Variants in POLA1 observed in about 807,000 individuals in gnomAD.
POLA1 encodes DNA polymerase alpha catalytic subunit.
In POLA1, 15 loss-of-function variants were observed where a neutral mutation model predicts 124.0. The observed-to-expected ratio is 0.12, with a 90% CI of 0.08 to 0.19. POLA1 has a LOEUF of 0.19. Ranked by LOEUF, POLA1 falls within the 10% of genes least tolerant of loss-of-function variation. The probability of loss-of-function intolerance (pLI) is 1.00; values close to 1 mark genes in which losing one functional copy is unlikely to be tolerated. For synonymous variants in POLA1, 408 were observed against 389.4 expected, an observed-to-expected ratio of 1.05 and a Z score of -0.56; for missense variants, 886 against 1,103.4, an observed-to-expected ratio of 0.80 and a Z score of 2.79.
chrX:24,833,083 C>A (rs1430372114), intron 32 of POLA1, among the ~76,000 whole-genome samples: 1 of 110,751 alleles, frequency 9.0e-6, no homozygotes. Context: ...CCCAAGTCCT[C>A]AGAGTCCATT....
At chrX:24,995,201 C>T (rs745935634) in intron 36 of POLA1, among the ~76,000 whole-genome samples, 4 of 111,807 alleles carry the variant, frequency 3.6e-5, no homozygotes, top group South Asian at 7.5e-4. Context: ...GCAGGAGTGC[C>T]GCATACCCTG....
At chrX:24,944,509 CTT>C (rs2047940111) in intron 36 of POLA1, among the ~76,000 whole-genome samples, 1 of 111,729 alleles carries the variant, frequency 9.0e-6, no homozygotes, top group Admixed American at 9.5e-5. Flanking sequence ...AATCAGGAAA[CTT>C]TTTTCCTTCT....
chrX:24,765,923 G>T (rs1602354322), intron 26 of POLA1, among the ~76,000 whole-genome samples: 1 of 111,552 alleles, frequency 9.0e-6, no homozygotes, highest in African/African-American at 3.3e-5. Flanking sequence ...CTATGAATGT[G>T]CTCACTTAAT....
intron 34 of POLA1, among the ~76,000 whole-genome samples, chrX:24,856,924 G>T (rs755347418): frequency 9.1e-6 from 1 of 109,750 alleles, no homozygotes; most frequent in South Asian, 3.9e-4. Flanking sequence ...TTGCAAATAT[G>T]TTGTCCCAGT....
intron 34 of POLA1, among the ~76,000 whole-genome samples, chrX:24,856,123 A>G (rs1399504742): frequency 8.9e-6 from 1 of 111,867 alleles, no homozygotes; most frequent in African/African-American, 3.2e-5. Flanking sequence ...CACAATCAAG[A>G]TAGAAAACAG....
intron 36 of POLA1, among the ~76,000 whole-genome samples, chrX:24,967,031 A>C (rs889265763): frequency 1.8e-5 from 2 of 110,969 alleles, no homozygotes; most frequent in Admixed American, 9.6e-5. Context: ...AATAAGAAAG[A>C]TGGGTTCTTT....
chrX:24,776,762 T>A (rs1023799557), intron 26 of POLA1, among the ~76,000 whole-genome samples: 5 of 112,189 alleles, frequency 4.5e-5, no homozygotes, highest in African/African-American at 1.6e-4. Context: ...GCCAGTATTA[T>A]GAGAAAGAGA....
chrX:24,700,830 G>A (rs1419605799), intron 2 of POLA1, among the ~76,000 whole-genome samples: 1 of 111,859 alleles, frequency 8.9e-6, no homozygotes, highest in Non-Finnish European at 1.9e-5. Context: ...CATTTTTAAT[G>A]TAGGTACTTG....
intron 35 of POLA1, among the ~76,000 whole-genome samples, chrX:24,928,716 T>G (rs1022200728): frequency 2.7e-5 from 3 of 112,199 alleles, no homozygotes; most frequent in African/African-American, 9.7e-5. Context: ...TACCAGCAAT[T>G]ACTGCTGAAT....
In POLA1 at chrX:24,927,929, A is replaced by G. The variant is rs369712858; in HGVS notation, c.4165-2524A>G. Among the ~76,000 whole-genome samples, 33 of 112,105 alleles carry G rather than the reference A, an allele frequency of 2.9e-4. No homozygotes were observed. The East Asian group carries it at 7.8e-3, about 27-fold the overall frequency. On this transcript the variant is annotated intron_variant, in intron 35 of 36. Transcript: ENST00000379068. ...AGATGGTAAAGATTTTTTAAAAAAC[A>G]AAAAATCTCCAAGGGATCACAAATT...
intron 34 of POLA1, among the ~76,000 whole-genome samples, chrX:24,870,763 G>T (rs1260898434): frequency 8.9e-6 from 1 of 111,926 alleles, no homozygotes; most frequent in Non-Finnish European, 1.9e-5. Flanking sequence ...TCTTAGTGTC[G>T]ATGGGAGGCA....
intron 26 of POLA1, among the ~76,000 whole-genome samples, chrX:24,767,600 A>C (rs1328433048): frequency 8.9e-6 from 1 of 112,400 alleles, no homozygotes; most frequent in East Asian, 2.8e-4. Flanking sequence ...TGTAGGAGTC[A>C]TGTTATTTTG....
intron 34 of POLA1, among the ~76,000 whole-genome samples, chrX:24,861,186 G>A (rs1212353969): frequency 3.6e-5 from 4 of 112,230 alleles, no homozygotes; most frequent in African/African-American, 1.3e-4. Context: ...AGACTGGAGT[G>A]CAATGGTGTG....
intron 15 of POLA1, among the ~76,000 whole-genome samples, chrX:24,728,691 C>T (rs975195600): frequency 2.7e-5 from 3 of 111,745 alleles, no homozygotes; most frequent in Non-Finnish European, 3.8e-5. Context: ...TTCCTCTATA[C>T]CAGGGGTTGG....
intron 34 of POLA1, among the ~76,000 whole-genome samples, chrX:24,868,056 C>T (rs756194912): frequency 2.7e-5 from 3 of 111,404 alleles, no homozygotes; most frequent in East Asian, 5.6e-4. Flanking sequence ...ATGTGTAGTT[C>T]GTATTTTGTG....
intron 36 of POLA1, among the ~76,000 whole-genome samples, chrX:24,985,459 A>T (rs924718856): frequency 8.8e-6 from 1 of 113,019 alleles, no homozygotes; most frequent in African/African-American, 3.2e-5. Flanking sequence ...CAGCCATTGG[A>T]GTCAGTACCT....
At chrX:24,715,661 C>G (rs970978186) in intron 6 of POLA1, among the ~76,000 whole-genome samples, 9 of 111,118 alleles carry the variant, frequency 8.1e-5, no homozygotes, top group South Asian at 3.8e-4. Flanking sequence ...CAAAGAAACC[C>G]CCTTCAGATT....
chrX:24,878,155 T>C (rs1280048857), intron 34 of POLA1, among the ~76,000 whole-genome samples: 1 of 111,000 alleles, frequency 9.0e-6, no homozygotes, highest in Non-Finnish European at 1.9e-5. Flanking sequence ...AGTACCATTC[T>C]CAAGGAGAAA....
intron 36 of POLA1, among the ~76,000 whole-genome samples, chrX:24,958,372 GACTTCCTAGTT>G (rs1373516416): frequency 8.9e-6 from 1 of 111,852 alleles, no homozygotes; most frequent in Non-Finnish European, 1.9e-5. Context: ...GGTCCTTAGT[GACTTCCTAGTT>G]ACGAAACCCA....
Sources: allele counts gnomAD v4.1 joint callset (sites outside exome capture counted in the v4.1 genomes callset), GRCh38; gene constraint gnomAD v4.1.1; transcripts MANE v1.5; gene names NCBI Gene and HGNC (gene_info 2026-07-23, HGNC 2026-07-21).